Variants in NKAIN3 observed in about 807,000 individuals in gnomAD.
NKAIN3 encodes sodium/potassium transporting ATPase interacting 3.
Under a neutral mutation model 30.2 loss-of-function variants are expected in NKAIN3, and 25 were observed. That is an observed-to-expected ratio of 0.83 (90% CI 0.60 to 1.16). The LOEUF is 1.16. Ranked by LOEUF, NKAIN3 falls within the 50% of genes most tolerant of loss-of-function variation. NKAIN3 has a pLI of 0.00. For missense variants in NKAIN3, 225 were observed against 254.1 expected, an observed-to-expected ratio of 0.89 and a Z score of 0.78; for synonymous variants, 91 against 89.6, an observed-to-expected ratio of 1.02 and a Z score of -0.09.
chr8:62,284,350 C>G (rs1298755022), intron 1 of NKAIN3, among the ~76,000 whole-genome samples: 1 of 151,974 alleles, frequency 6.6e-6, no homozygotes, highest in Non-Finnish European at 1.5e-5. Context: ...TAGACTGTAC[C>G]CAGGCGCGGT....
chr8:62,851,265 A>T (rs565626503), intron 4 of NKAIN3, among the ~76,000 whole-genome samples: 284 of 152,114 alleles, frequency 1.9e-3, no homozygotes, highest in Non-Finnish European at 3.3e-3. Flanking sequence ...TTTGTCTGTT[A>T]TTGGTGTATA....
chr8:62,611,704 G>C (rs1811297286), intron 3 of NKAIN3, among the ~76,000 whole-genome samples: 1 of 152,040 alleles, frequency 6.6e-6, no homozygotes, highest in African/African-American at 2.4e-5. Flanking sequence ...TGGACACTTA[G>C]GTTGCTTCAA....
At chr8:62,837,975 A>G (rs1055289130) in intron 4 of NKAIN3, among the ~76,000 whole-genome samples, 2 of 152,026 alleles carry the variant, frequency 1.3e-5, no homozygotes, top group Non-Finnish European at 2.9e-5. Flanking sequence ...GGTACGTCCT[A>G]ATGCTGATAA....
intron 4 of NKAIN3, among the ~76,000 whole-genome samples, chr8:62,779,333 AC>A (rs1442111209): frequency 2.0e-5 from 3 of 151,816 alleles, no homozygotes; most frequent in Non-Finnish European, 4.4e-5. Context: ...TTTACTTAGG[AC>A]CCTAGAGCAC....
chr8:62,660,620 G>T (rs1812916427), intron 3 of NKAIN3, among the ~76,000 whole-genome samples: 1 of 152,252 alleles, frequency 6.6e-6, no homozygotes, highest in African/African-American at 2.4e-5. Flanking sequence ...CACCACTAAA[G>T]GCAAAAGGTG....
intron 3 of NKAIN3, among the ~76,000 whole-genome samples, chr8:62,667,349 A>T (rs1563507985): frequency 1.4e-5 from 1 of 72,270 alleles, no homozygotes; most frequent in South Asian, 3.9e-4. Flanking sequence ...TATATTCTTT[A>T]TATATATATC....
chr8:62,285,560 C>T (rs1404144707), intron 1 of NKAIN3, among the ~76,000 whole-genome samples: 2 of 152,108 alleles, frequency 1.3e-5, no homozygotes, highest in African/African-American at 4.8e-5. Flanking sequence ...CTCTTCTGCT[C>T]CCAGTGGGGC....
chr8:62,965,695 GA>G lies in NKAIN3; in HGVS notation c.*293del. The stretch of plus-strand genomic sequence containing the variant: ...ATATTTAATGTGAGGCATGCAAAAT[GA>G]AAAAGCAAATCTGTGAAAACCTTCT... On this transcript the variant is annotated 3_prime_UTR_variant, in exon 7 of 7. Coordinates refer to ENST00000623646, the MANE Select transcript of NKAIN3 (RefSeq NM_001304533.3). The G allele has an allele frequency of 4.1e-6, 4 of 981,378 alleles. No homozygotes were observed. The highest frequency in any genetic ancestry group is 4.8e-6 in the Non-Finnish European group (4 of 827,052). The allele number at this position is 981,378 out of a possible 1,614,324, so 60.8% of individuals were successfully genotyped here.
At chr8:62,807,567 T>C (rs1818338297) in intron 4 of NKAIN3, among the ~76,000 whole-genome samples, 1 of 149,644 alleles carries the variant, frequency 6.7e-6, no homozygotes, top group Non-Finnish European at 1.5e-5. Flanking sequence ...TTTTTTTTTT[T>C]TTTTGAGACA....
At chr8:62,812,079 A>G (rs1235751716) in intron 4 of NKAIN3, among the ~76,000 whole-genome samples, 2 of 151,956 alleles carry the variant, frequency 1.3e-5, no homozygotes, top group Non-Finnish European at 2.9e-5. Context: ...GTTCCCACAC[A>G]ATTTGTGAAA....
intron 1 of NKAIN3, among the ~76,000 whole-genome samples, chr8:62,373,501 C>T (rs901182730): frequency 1.3e-5 from 2 of 152,086 alleles, no homozygotes; most frequent in East Asian, 3.9e-4. Context: ...TGCTCTTATG[C>T]CTTATTTATA....
At chr8:62,388,009 G>A (rs1007403944) in intron 1 of NKAIN3, among the ~76,000 whole-genome samples, 2 of 152,040 alleles carry the variant, frequency 1.3e-5, no homozygotes, top group East Asian at 3.9e-4. Flanking sequence ...TTTAGCCATG[G>A]GTAAATTTCA....
chr8:62,741,333 A>C (rs1417979220), intron 3 of NKAIN3, among the ~76,000 whole-genome samples: 1 of 151,814 alleles, frequency 6.6e-6, no homozygotes, highest in African/African-American at 2.4e-5. Context: ...AAAAAAAAAG[A>C]ATGAGTGAGA....
At chr8:62,391,963 T>C (rs1817595344) in intron 1 of NKAIN3, among the ~76,000 whole-genome samples, 1 of 151,962 alleles carries the variant, frequency 6.6e-6, no homozygotes, top group South Asian at 2.1e-4. Flanking sequence ...TTATCTTTGG[T>C]GTATTAATCT....
rs146804019 is a variant in NKAIN3 at position 62,862,011 on chromosome 8, G to C, written c.472-56442G>C. 2.1e-4 allele frequency among the ~76,000 whole-genome samples: 32 copies of C among 152,278 alleles called. No homozygotes were observed. The East Asian group carries it at 5.6e-3, about 27-fold the overall frequency. On this transcript the variant is annotated intron_variant, in intron 4 of 6. Transcript: ENST00000623646. ...TTATGACCACATTGAGTACATATTA[G>C]AGCTGCTCAGACTTTTCCATTTGGC...
At chr8:62,326,680 T>C (rs887411818) in intron 1 of NKAIN3, among the ~76,000 whole-genome samples, 4 of 152,006 alleles carry the variant, frequency 2.6e-5, no homozygotes, top group Admixed American at 2.6e-4. Flanking sequence ...TTGAGAAATA[T>C]CACTGGCACA....
intron 1 of NKAIN3, among the ~76,000 whole-genome samples, chr8:62,350,084 C>A (rs1816134038): frequency 6.6e-6 from 1 of 152,130 alleles, no homozygotes; most frequent in Non-Finnish European, 1.5e-5. Context: ...AAACATTTGA[C>A]AGAATTACAG....
At chr8:62,477,000 T>C (rs1302591019) in intron 1 of NKAIN3, among the ~76,000 whole-genome samples, 2 of 152,036 alleles carry the variant, frequency 1.3e-5, no homozygotes, top group African/African-American at 4.8e-5. Context: ...TACAAATGTA[T>C]AGTCAGCTTT....
chr8:62,739,099 C>T (rs756989572), intron 3 of NKAIN3, among the ~76,000 whole-genome samples: 1 of 152,066 alleles, frequency 6.6e-6, no homozygotes, highest in Non-Finnish European at 1.5e-5. Flanking sequence ...AAACATCACA[C>T]ACCAGGGCCT....
Sources: gnomAD v4.1 joint callset for allele counts (sites outside exome capture counted in the v4.1 genomes callset) on GRCh38, gnomAD v4.1.1 for gene constraint, MANE v1.5 for transcripts, NCBI Gene and HGNC (gene_info 2026-07-23, HGNC 2026-07-21) for gene names.